The following SPTA1 variants were observed in gnomAD, a reference collection of about 807,000 sequenced individuals.
SPTA1 encodes spectrin alpha, erythrocytic 1, also known as spectrin alpha chain, erythrocytic 1.
SPTA1 carries 177 observed loss-of-function variants against 324.7 expected under a neutral mutation model. That is an observed-to-expected ratio of 0.55 (90% CI 0.48 to 0.62). The LOEUF (loss-of-function observed/expected upper bound fraction) is 0.62, where lower values mean the gene tolerates loss of function less well. Ranked by LOEUF, SPTA1 falls within the 20% of genes least tolerant of loss-of-function variation. The pLI is 0.00. For missense variants in SPTA1, 3,162 were observed against 2,883.6 expected (o/e 1.10, Z -2.21); for synonymous variants, 1,195 against 1,041.3 (o/e 1.15, Z -2.84).
chr1:158,615,482 C>G (rs879539629), intron 47 of SPTA1, 79 bp from the exon 48 acceptor site: 76 of 1,412,996 alleles, frequency 5.4e-5, no homozygotes, highest in Non-Finnish European at 7.1e-5. Flanking sequence ...GAGGAGATAA[C>G]AGGCTGATTT....
chr1:158,675,557 C>A (rs1335580078), intron 8 of SPTA1, among the ~76,000 whole-genome samples: 2 of 152,058 alleles, frequency 1.3e-5, no homozygotes, highest in Non-Finnish European at 2.9e-5. Flanking sequence ...GTACCAAACA[C>A]TATATACACT....
intron 22 of SPTA1, 59 bp downstream of exon 22, chr1:158,653,215 G>C: frequency 6.2e-7 from 1 of 1,612,044 alleles, no homozygotes; most frequent in Admixed American, 1.7e-5. Flanking sequence ...GAGAAGAAAT[G>C]CCTTTGGCGA....
Position 158,668,015 on chromosome 1 carries a change from T to G in SPTA1, c.1881A>C (p.Glu627Asp). ...KSRVQKQQVFEKELAVNKTQL... is the reference protein window; with the variant it reads ...KSRVQKQQVFDKELAVNKTQL... ...GGGTCTTATTAACTGCCAACTCCTT[T>G]TCAAAGACTTGCTGCTTTTGAACCC... The change falls in exon 15 of 52, where the codon GAA (glutamate) becomes GAC (aspartate). Residue 627 changes from glutamate (E) to aspartate (D), a missense_variant. Transcript: ENST00000643759. The G allele has an allele frequency of 3.1e-6, 5 of 1,613,758 alleles. No individual in the cohort carries two copies. Among genetic ancestry groups the G allele is most frequent in the Non-Finnish European group, 4.2e-6 (5 of 1,179,950 alleles).
intron 7 of SPTA1, among the ~76,000 whole-genome samples, chr1:158,677,226 G>A (rs1654448213): frequency 6.6e-6 from 1 of 152,120 alleles, no homozygotes; most frequent in African/African-American, 2.4e-5. Flanking sequence ...CTAAAGGTAG[G>A]TTTAGCATTA....
At chr1:158,663,316 C>A (rs536281679) in intron 16 of SPTA1, among the ~76,000 whole-genome samples, 1 of 152,292 alleles carries the variant, frequency 6.6e-6, no homozygotes, top group Admixed American at 6.5e-5. Flanking sequence ...TGTATTCTTT[C>A]TCTCTCTTTA....
chr1:158,667,858 C>T lies in SPTA1; in HGVS notation c.2038G>A (p.Gly680Arg), dbSNP rs2101904247. The change falls in exon 15 of 52, where the codon GGG becomes AGG. Residue 680 changes from glycine (G) to arginine (R), a missense_variant and splice_region_variant. Gly to Arg is a moderately radical substitution (Grantham distance 125). Transcript: ENST00000643759. ...TTTCACCAAAACCTCTGCTTTTTAC[C>T]TTTCTGTTTTGTAGCCTCCAGCAAC... Reference protein sequence around the residue: ...EELLEATKQKGTQLHEANQQL... With the variant: ...EELLEATKQKRTQLHEANQQL... The T allele has an allele frequency of 6.2e-7, 1 of 1,613,624 alleles. No homozygotes were observed. Among genetic ancestry groups the T allele is most frequent in the Non-Finnish European group, 8.5e-7 (1 of 1,179,852 alleles).
intron 18 of SPTA1, among the ~76,000 whole-genome samples, chr1:158,660,864 A>C (rs962500622): frequency 6.6e-6 from 1 of 152,190 alleles, no homozygotes; most frequent in Non-Finnish European, 1.5e-5. Context: ...TGAAGTGAGA[A>C]GCTAAAGAAA....
intron 5 of SPTA1, among the ~76,000 whole-genome samples, chr1:158,680,152 A>G (rs1374582561): frequency 6.6e-6 from 1 of 152,184 alleles, no homozygotes. Flanking sequence ...ATAATCTTGT[A>G]TAATGATATT....
chr1:158,620,619 T>C (rs1649847110), intron 43 of SPTA1, 153 bp from the exon 44 acceptor site: 2 of 886,714 alleles, frequency 2.3e-6, no homozygotes, highest in Non-Finnish European at 3.4e-6. Context: ...CTGTGTACTT[T>C]GATGGTTGAA....
At position 158,651,421 on chromosome 1, in the gene SPTA1, A is replaced by C. The variant is rs1652421787; in HGVS notation, c.3423T>G (p.Ala1141=). 1.2e-6 allele frequency: 2 copies of C among 1,613,856 alleles called. No homozygotes were observed. The highest frequency in any genetic ancestry group is 2.2e-5 in the South Asian group (2 of 91,088). The change falls in exon 24 of 52, where the codon GCT becomes GCG. Residue 1141 remains alanine (A), a synonymous_variant. Transcript: ENST00000643759. ...GAAGTCCTTCAAATAGTAGATCATCAGCTACCTTGTTGATATCCCTTAGCC... is the reference window on the plus strand; with the variant it reads ...GAAGTCCTTCAAATAGTAGATCATCCGCTACCTTGTTGATATCCCTTAGCC... The part of the protein sequence containing the change: ...EPRLRDINKV[A]DDLLFEGLLT...
chr1:158,666,953 C>G (rs1279831188), intron 15 of SPTA1, among the ~76,000 whole-genome samples: 1 of 152,174 alleles, frequency 6.6e-6, no homozygotes, highest in Middle Eastern at 3.2e-3. Flanking sequence ...GCCTGTCTTT[C>G]ATCACCAACT....
intron 33 of SPTA1, among the ~76,000 whole-genome samples, chr1:158,641,411 C>G (rs1651559924): frequency 6.6e-6 from 1 of 152,172 alleles, no homozygotes; most frequent in South Asian, 2.1e-4. Context: ...ATCCACTCAT[C>G]TGACAAAGGG....
intron 39 of SPTA1, among the ~76,000 whole-genome samples, chr1:158,628,389 A>AT (rs1650431139): frequency 2.0e-5 from 3 of 152,072 alleles, no homozygotes; most frequent in African/African-American, 7.2e-5. Flanking sequence ...CACTCTGTCA[A>AT]TTTTTTTCCT....
chr1:158,624,187 G>A (rs529862197), intron 42 of SPTA1, among the ~76,000 whole-genome samples: 2 of 152,326 alleles, frequency 1.3e-5, no homozygotes, highest in East Asian at 1.9e-4. Context: ...GCACAGAAGG[G>A]AAATGTGGGA....
Position 158,638,152 on chromosome 1 carries a change from A to G in SPTA1, c.5070T>C (p.Asn1690=), listed in dbSNP as rs765152642. 4 of 1,613,990 alleles carry G rather than the reference A, an allele frequency of 2.5e-6. No homozygotes were observed. The highest frequency in any genetic ancestry group is 2.2e-5 in the East Asian group (1 of 44,878). The change falls in exon 36 of 52, where the codon AAT becomes AAC. Residue 1690 remains asparagine (N), a synonymous_variant. Coordinates refer to ENST00000643759, the MANE Select transcript of SPTA1 (RefSeq NM_003126.4). ...GGACATTCAGGAAACGCTTGTTGAC[A>G]TTATCTTTTTTCTTCACAATCTGAT... ...NVDQIVKKKD[N]VNKRFLNVQE... is the part of the protein sequence containing the mutation.
chr1:158,614,439 A>G, intron 48 of SPTA1, 133 bp from the exon 49 acceptor site: 1 of 688,820 alleles, frequency 1.5e-6, no homozygotes, highest in Non-Finnish European at 2.5e-6. Context: ...AGAGTTGGCA[A>G]ACTATAGTCC....
chr1:158,668,515 G>C (rs1030840935), intron 14 of SPTA1, among the ~76,000 whole-genome samples: 1 of 152,108 alleles, frequency 6.6e-6, no homozygotes, highest in Non-Finnish European at 1.5e-5. Flanking sequence ...GCAAGGATAA[G>C]ATGTTCATAG....
Position 158,648,550 on chromosome 1 carries a change from G to A in SPTA1, c.3673C>T (p.His1225Tyr). ...LFSVQALQRRHEGFERDLVPL... is the reference protein window; with the variant it reads ...LFSVQALQRRYEGFERDLVPL... Reference sequence around the variant, plus strand: ...ACGAGGTCCCTTTCAAAGCCCTCATGCCGTCGCTGAAGAGCCTGAACACTG... The same window carrying A: ...ACGAGGTCCCTTTCAAAGCCCTCATACCGTCGCTGAAGAGCCTGAACACTG... The change falls in exon 26 of 52, where the codon CAT (histidine) becomes TAT (tyrosine). Residue 1225 changes from histidine (H) to tyrosine (Y), a missense_variant. Coordinates refer to ENST00000643759, the MANE Select transcript of SPTA1 (RefSeq NM_003126.4). 1 of 1,614,014 alleles carries A rather than the reference G, an allele frequency of 6.2e-7. No individual in the cohort carries two copies. Among genetic ancestry groups the A allele is most frequent in the South Asian group, 1.1e-5 (1 of 91,064 alleles).
chr1:158,622,601 G>A (rs1649986484), intron 43 of SPTA1: 2 of 253,642 alleles, frequency 7.9e-6, no homozygotes, highest in Non-Finnish European at 1.5e-5. Flanking sequence ...TTGATATAAG[G>A]TGAGAACATG....
Sources: allele counts gnomAD v4.1 joint callset (sites outside exome capture counted in the v4.1 genomes callset), GRCh38; gene constraint gnomAD v4.1.1; transcripts MANE v1.5; gene names NCBI Gene and HGNC (gene_info 2026-07-23, HGNC 2026-07-21).